ITFG1: variants seen among roughly 807,000 people sequenced by gnomAD.
ITFG1 encodes the protein T-cell immunomodulatory protein.
In ITFG1, 34 loss-of-function variants were observed where a neutral mutation model predicts 81.8. The ratio of observed to expected loss-of-function variants is 0.42; its 90% confidence interval spans 0.32 to 0.55. ITFG1 has a LOEUF of 0.55. Among genes scored for constraint, ITFG1 ranks in the 20% least tolerant of loss-of-function variants. The pLI is 0.17. For missense variants in ITFG1, 672 were observed against 755.4 expected (o/e 0.89, Z 1.29); for synonymous variants, 285 against 270.6 (o/e 1.05, Z -0.52).
intron 7 of ITFG1, among the ~76,000 whole-genome samples, chr16:47,367,626 T>C (rs965824145): frequency 2.0e-5 from 3 of 152,206 alleles, no homozygotes; most frequent in African/African-American, 7.2e-5. Flanking sequence ...CTGCTGATCT[T>C]TACAGAGAAA....
chr16:47,378,949 G>A (rs1968361197), intron 6 of ITFG1, among the ~76,000 whole-genome samples: 1 of 152,152 alleles, frequency 6.6e-6, no homozygotes, highest in Admixed American at 6.5e-5. Context: ...TCATGGATGT[G>A]ACATGCCACC....
intron 6 of ITFG1, among the ~76,000 whole-genome samples, chr16:47,412,640 A>G (rs1431689253): frequency 6.6e-6 from 1 of 150,996 alleles, no homozygotes; most frequent in Non-Finnish European, 1.5e-5. Flanking sequence ...GGTTGCAGTG[A>G]GCCAAGATTT....
intron 12 of ITFG1, among the ~76,000 whole-genome samples, chr16:47,239,437 G>C (rs1249189604): frequency 1.3e-5 from 2 of 152,142 alleles, no homozygotes; most frequent in Non-Finnish European, 2.9e-5. Context: ...TTGACCTTGT[G>C]ATCCGCCTGC....
At chr16:47,342,744 A>G (rs1321357200) in intron 8 of ITFG1, among the ~76,000 whole-genome samples, 1 of 152,150 alleles carries the variant, frequency 6.6e-6, no homozygotes, top group East Asian at 1.9e-4. Context: ...TTTAGCAAGC[A>G]ATTTCATTTA....
At chr16:47,441,397 T>C (rs1425557788) in intron 5 of ITFG1, among the ~76,000 whole-genome samples, 12 of 152,202 alleles carry the variant, frequency 7.9e-5, no homozygotes, top group African/African-American at 2.7e-4. Flanking sequence ...TTTAGACCAA[T>C]ATCCTTGATG....
chr16:47,284,710 T>A (rs527684592), intron 10 of ITFG1, among the ~76,000 whole-genome samples: 9 of 152,362 alleles, frequency 5.9e-5, no homozygotes, highest in East Asian at 1.9e-4. Context: ...GAAGAATGAA[T>A]GTGCTATTTT....
At chr16:47,454,890 C>T (rs955428335) in intron 2 of ITFG1, among the ~76,000 whole-genome samples, 3 of 152,132 alleles carry the variant, frequency 2.0e-5, no homozygotes, top group Non-Finnish European at 4.4e-5. Flanking sequence ...TAATTCTACT[C>T]AGATGAAATA....
At chr16:47,319,506 G>A (rs548502934) in intron 8 of ITFG1, among the ~76,000 whole-genome samples, 1 of 152,186 alleles carries the variant, frequency 6.6e-6, no homozygotes, top group South Asian at 2.1e-4. Flanking sequence ...ACTGCTTTTC[G>A]TCAACACAAC....
intron 13 of ITFG1, among the ~76,000 whole-genome samples, chr16:47,222,324 C>A (rs1965701417): frequency 6.6e-6 from 1 of 151,036 alleles, no homozygotes; most frequent in South Asian, 2.1e-4. Context: ...ATCTTTATTT[C>A]TGCCTTCATT....
At chr16:47,332,209 T>C (rs1159772554) in intron 8 of ITFG1, among the ~76,000 whole-genome samples, 2 of 151,186 alleles carry the variant, frequency 1.3e-5, no homozygotes, top group African/African-American at 4.9e-5. Context: ...TAAAATAAAA[T>C]AAAATAAAAT....
chr16:47,320,298 T>C (rs1481413884), intron 8 of ITFG1, among the ~76,000 whole-genome samples: 1 of 152,250 alleles, frequency 6.6e-6, no homozygotes, highest in Non-Finnish European at 1.5e-5. Context: ...ATTATTCTTT[T>C]ATCTGTGATT....
chr16:47,331,918 T>C (rs1049030986), intron 8 of ITFG1, among the ~76,000 whole-genome samples: 1 of 152,272 alleles, frequency 6.6e-6, no homozygotes, highest in South Asian at 2.1e-4. Context: ...GTATTTTTGA[T>C]CACCTATGAA....
intron 6 of ITFG1, among the ~76,000 whole-genome samples, chr16:47,392,599 T>C (rs1968546442): frequency 6.6e-6 from 1 of 152,238 alleles, no homozygotes; most frequent in South Asian, 2.1e-4. Flanking sequence ...TCATTAGCTA[T>C]GTGACTTATG....
chr16:47,188,054 C>T (rs1965245955), intron 14 of ITFG1, among the ~76,000 whole-genome samples: 2 of 151,800 alleles, frequency 1.3e-5, no homozygotes, highest in South Asian at 4.2e-4. Flanking sequence ...AAATCAAAAC[C>T]ACAGTGAGAT....
chr16:47,191,226 G>C (rs1455326988), intron 14 of ITFG1, among the ~76,000 whole-genome samples: 1 of 152,004 alleles, frequency 6.6e-6, no homozygotes, highest in Non-Finnish European at 1.5e-5. Context: ...ATATCTTCAA[G>C]GTCACTAATT....
chr16:47,343,648 C>T (rs908454062), intron 8 of ITFG1, among the ~76,000 whole-genome samples: 8 of 151,944 alleles, frequency 5.3e-5, no homozygotes, highest in Non-Finnish European at 7.4e-5. Flanking sequence ...AAAGCCACAA[C>T]GAAAAACCAC....
intron 8 of ITFG1, among the ~76,000 whole-genome samples, chr16:47,337,384 A>AT (rs1020743717): frequency 1.3e-5 from 2 of 152,056 alleles, no homozygotes; most frequent in African/African-American, 4.8e-5. Context: ...AGCCTGGCCA[A>AT]TGTGGCAAAA....
At chr16:47,335,847 A>G (rs1192522070) in intron 8 of ITFG1, among the ~76,000 whole-genome samples, 1 of 152,210 alleles carries the variant, frequency 6.6e-6, no homozygotes, top group Non-Finnish European at 1.5e-5. Context: ...TTGATCTGGT[A>G]TTTCCACTCC....
intron 5 of ITFG1, among the ~76,000 whole-genome samples, chr16:47,445,247 GAAAAAAAAAAAAAA>G (rs907756228): frequency 6.5e-5 from 2 of 30,826 alleles, no homozygotes; most frequent in Non-Finnish European, 1.4e-4. Flanking sequence ...CTCCGTCTCA[GAAAAAAAAAAAAAA>G]AAAAAAAAAA....
Sources: gnomAD v4.1 joint callset for allele counts (sites outside exome capture counted in the v4.1 genomes callset) on GRCh38, gnomAD v4.1.1 for gene constraint, MANE v1.5 for transcripts, NCBI Gene and HGNC (gene_info 2026-07-23, HGNC 2026-07-21) for gene names.